GPSM1: variants seen among roughly 807,000 people sequenced by gnomAD.
The protein encoded by GPSM1 is G protein signaling modulator 1.
In GPSM1, 48 loss-of-function variants were observed where a neutral mutation model predicts 70.5. The ratio of observed to expected loss-of-function variants is 0.68; its 90% CI spans 0.54 to 0.87. The LOEUF (loss-of-function observed/expected upper bound fraction) is 0.87. Ranked by LOEUF, GPSM1 falls within the 40% of genes least tolerant of loss-of-function variation. The probability of loss-of-function intolerance (pLI) is 0.00; values close to 1 mark genes in which losing one functional copy is unlikely to be tolerated. For missense variants in GPSM1, 981 were observed against 972.6 expected, an observed-to-expected ratio of 1.01 and a Z score of -0.11; for synonymous variants, 416 against 430.1, an observed-to-expected ratio of 0.97 and a Z score of 0.41.
chr9:136,341,371 TGGG>T lies in GPSM1; in HGVS notation c.1207+379_1207+381del. 1 of 471,294 alleles carries T rather than the reference TGGG, an allele frequency of 2.1e-6. No homozygotes were observed. Among genetic ancestry groups the T allele is most frequent in the South Asian group, 3.4e-5 (1 of 29,586 alleles). The allele number at this position is 471,294 out of a possible 1,614,324, so 29.2% of individuals were successfully genotyped here. A position where few individuals can be genotyped will look rare whatever the true frequency, so the allele number is the denominator to read the frequency against. ...GGCGAGAGGGCATCAGCCAGAGGGC[TGGG>T]CTGGGCTGGGCTGGGCTGGGCTGTG... is the stretch of plus-strand genomic sequence containing the variant. On this transcript the variant is annotated intron_variant, in intron 9 of 13. Transcript: ENST00000440944. The surrounding 1 kb of genome is among the most constrained non-coding windows in gnomAD (Gnocchi z 6.7).
Position 136,349,769 on chromosome 9 carries a change from C to T in GPSM1, c.1455+6C>T, listed in dbSNP as rs1336250710. 6 of 1,565,388 alleles carry T rather than the reference C, an allele frequency of 3.8e-6. No individual in the cohort carries two copies. Among genetic ancestry groups the T allele is most frequent in the Admixed American group, 3.8e-5 (2 of 53,060 alleles). On this transcript the variant is annotated splice_donor_region_variant and intron_variant, in intron 11 of 13. Transcript: ENST00000440944. ...GGGTGCACGTGCCACGCACGGTAGG[C>T]GTCTTTGACGGCAGATCCAGGCCGA... is the stretch of plus-strand genomic sequence containing the variant.
intron 1 of GPSM1, chr9:136,331,898 C>G (rs1554768549): frequency 5.0e-6 from 2 of 397,296 alleles, no homozygotes; most frequent in Non-Finnish European, 8.9e-6. Context: ...TTAAACCCAC[C>G]ATCCTGGAGG....
At position 136,358,331 on chromosome 9, in the gene GPSM1, G is replaced by A; in HGVS notation, c.*111G>A. 3 of 1,002,692 alleles carry A rather than the reference G, an allele frequency of 3.0e-6. No homozygotes were observed. Among genetic ancestry groups the A allele is most frequent in the Non-Finnish European group, 2.9e-6 (2 of 686,376 alleles). 62.1% of individuals were successfully genotyped at this position (1,002,692 alleles called of 1,614,324 possible). ...GCCGAGGACAGGCACTGGGCATGCA[G>A]CCCCACGGCCTCCCCGACCCAGGGC... On this transcript the variant is annotated 3_prime_UTR_variant, in exon 14 of 14. Coordinates refer to ENST00000440944, the MANE Select transcript of GPSM1 (RefSeq NM_001145638.3).
chr9:136,354,757 G>C (rs1200053605), intron 11 of GPSM1: 1 of 922,210 alleles, frequency 1.1e-6, no homozygotes, highest in Non-Finnish European at 1.3e-6. Flanking sequence ...CTGAGGCCCA[G>C]GGCGGGGTTC....
chr9:136,332,302 C>T (rs1832119726), intron 1 of GPSM1: 1 of 397,664 alleles, frequency 2.5e-6, no homozygotes. Flanking sequence ...GCCTGGATCC[C>T]AGATTGGAGG....
intron 11 of GPSM1, among the ~76,000 whole-genome samples, chr9:136,351,297 G>A (rs1302594386): frequency 6.6e-6 from 1 of 151,762 alleles, no homozygotes; most frequent in Non-Finnish European, 1.5e-5. Context: ...GGAGCACCTG[G>A]TCAGGCCTTC....
At chr9:136,331,367 C>G (rs544996720) in intron 1 of GPSM1, among the ~76,000 whole-genome samples, 14,878 of 149,846 alleles carry the variant, frequency 0.099, 1,339 homozygotes, top group Admixed American at 0.18. Context: ...ACTCTGAGCC[C>G]CCCCCCCCCG....
chr9:136,358,461 C>G lies in GPSM1; in HGVS notation c.*241C>G. 1.8e-6 allele frequency: 1 copy of G among 557,276 alleles called. No individual in the cohort carries two copies. The highest frequency in any genetic ancestry group is 3.1e-6 in the Non-Finnish European group (1 of 320,052). 34.5% of individuals were successfully genotyped at this position (557,276 alleles called of 1,614,324 possible). A position where few individuals can be genotyped will look rare whatever the true frequency, so the allele number is the denominator to read the frequency against. ...CCTTCTGCCCCTGCCGCAGGCCGGACGGGGCCTTCGGCATGTCGGCCCCGA... is the reference window on the plus strand; with the variant it reads ...CCTTCTGCCCCTGCCGCAGGCCGGAGGGGGCCTTCGGCATGTCGGCCCCGA... On this transcript the variant is annotated 3_prime_UTR_variant, in exon 14 of 14. Coordinates refer to ENST00000440944, the MANE Select transcript of GPSM1 (RefSeq NM_001145638.3).
chr9:136,353,245 G>A (rs1832719985), intron 11 of GPSM1: 4 of 281,774 alleles, frequency 1.4e-5, no homozygotes, highest in Non-Finnish European at 2.1e-5. Flanking sequence ...CTTGGGCCGG[G>A]TGCATTCCCC....
chr9:136,334,456 G>T lies in GPSM1; in HGVS notation c.78G>T (p.Ala26=). The change falls in exon 2 of 14, where the codon GCG becomes GCT. Residue 26 remains alanine, a synonymous_variant. Transcript: ENST00000440944. Reference sequence around the variant, plus strand: ...AAGTTCCTCTGCACAGGATGGAGGCGTCCTGCCTAGAGCTGGCGCTGGAGG... The same window carrying T: ...AAGTTCCTCTGCACAGGATGGAGGCTTCCTGCCTAGAGCTGGCGCTGGAGG... ...AARRLYSRME[A]SCLELALEGE... The T allele has an allele frequency of 6.2e-7, 1 of 1,611,688 alleles. No individual in the cohort carries two copies. The highest frequency in any genetic ancestry group is 8.5e-7 in the Non-Finnish European group (1 of 1,179,520).
At chr9:136,338,088 G>T in intron 6 of GPSM1, 127 bp downstream of exon 6, 1 of 655,518 alleles carries the variant, frequency 1.5e-6, no homozygotes, top group African/African-American at 1.8e-5. Context: ...GGCAAGGTGG[G>T]GTTCTAGGCT....
At position 136,338,658 on chromosome 9, in the gene GPSM1, G is replaced by A. The variant is rs563172929; in HGVS notation, c.922G>A (p.Ala308Thr). 69 of 1,586,848 alleles carry A rather than the reference G, an allele frequency of 4.3e-5. No individual in the cohort carries two copies. In the East Asian group the frequency reaches 5.0e-4, roughly 12 times the overall value. The change falls in exon 7 of 14, where the codon GCG becomes ACG. Residue 308 changes from alanine to threonine, a missense_variant. Coordinates refer to ENST00000440944, the MANE Select transcript of GPSM1 (RefSeq NM_001145638.3). ...TYTLLQDYER[A>T]AEYHLRHLLI... ...CACGCTGCTGCAGGACTACGAGCGC[G>A]CGGCCGAGTACCACCTGCGGCACCT...
At chr9:136,331,910 C>A in intron 1 of GPSM1, 1 of 397,562 alleles carries the variant, frequency 2.5e-6, no homozygotes, top group Non-Finnish European at 4.4e-6. Context: ...TCCTGGAGGT[C>A]AGAGGGCAGG....
chr9:136,335,841 C>T (rs1359369874), intron 2 of GPSM1, 125 bp from the exon 3 acceptor site: 1 of 980,962 alleles, frequency 1.0e-6, no homozygotes, highest in Non-Finnish European at 1.5e-6. Context: ...TCAGGGGTTG[C>T]AGGCTCCTGT....
rs139501733 is a variant in GPSM1, at chr9:136,358,151, C to T, written c.1959C>T (p.Ala653=). The part of the protein sequence containing the change: ...KRMDEQRVDL[A]GGPEQGAGGP... Reference sequence around the variant, plus strand: ...TGGACGAGCAGCGGGTGGACCTCGCCGGGGGCCCGGAGCAGGGGGCAGGCG... The same window carrying T: ...TGGACGAGCAGCGGGTGGACCTCGCTGGGGGCCCGGAGCAGGGGGCAGGCG... The change falls in exon 14 of 14, where the codon GCC becomes GCT. Residue 653 remains alanine (A), a synonymous_variant. Transcript: ENST00000440944. 25,984 of 1,601,896 alleles carry T rather than the reference C, an allele frequency of 0.016. 321 individuals are homozygous for T. The highest frequency in any genetic ancestry group is 0.045 in the South Asian group (4,078 of 89,990).
intron 10 of GPSM1, among the ~76,000 whole-genome samples, chr9:136,349,031 C>G (rs1333028367): frequency 6.6e-6 from 1 of 152,378 alleles, no homozygotes; most frequent in East Asian, 1.9e-4. Context: ...TGCCACCACA[C>G]CCTCGGGAGC....
At position 136,327,682 on chromosome 9, in the gene GPSM1, C is replaced by T. The variant is rs1483688072; in HGVS notation, c.-14C>T. On this transcript the variant is annotated 5_prime_UTR_variant, in exon 1 of 14. Transcript: ENST00000440944. ...GGGGGGCGCTCCCGGCTCCCGCTCC[C>T]GCGTCCCCGACCCATGGCGGGCCCG... 1.9e-6 allele frequency: 2 copies of T among 1,079,584 alleles called. No homozygotes were observed. The highest frequency in any genetic ancestry group is 4.5e-5 in the South Asian group (1 of 22,320). 66.9% of individuals were successfully genotyped at this position (1,079,584 alleles called of 1,614,324 possible). A position where few individuals can be genotyped will look rare whatever the true frequency, so the allele number is the denominator to read the frequency against.
intron 4 of GPSM1, 32 bp downstream of exon 4, chr9:136,337,104 G>A (rs567611766): frequency 2.0e-5 from 30 of 1,529,434 alleles, no homozygotes; most frequent in Admixed American, 4.2e-5. Flanking sequence ...CAGGGACCGG[G>A]GCTGGCCTGT....
chr9:136,334,762 C>T (rs1449436601), intron 2 of GPSM1, 94 bp downstream of exon 2: 1 of 1,040,918 alleles, frequency 9.6e-7, no homozygotes, highest in East Asian at 2.5e-5. Flanking sequence ...TGGGGCGGCC[C>T]TGCTGGCGCG....
Sources: allele counts gnomAD v4.1 joint callset (sites outside exome capture counted in the v4.1 genomes callset), GRCh38; gene constraint gnomAD v4.1.1; non-coding constraint Gnocchi (gnomAD v3.1); transcripts MANE v1.5; gene names NCBI Gene and HGNC (gene_info 2026-07-23, HGNC 2026-07-21).